The following TOX variants were observed in gnomAD, a reference collection of about 807,000 sequenced individuals.
The protein encoded by TOX is thymocyte selection associated high mobility group box.
TOX carries 11 observed loss-of-function variants against 53.7 expected under a neutral mutation model. That is an observed-to-expected ratio of 0.20 (90% CI 0.13 to 0.34). The LOEUF (loss-of-function observed/expected upper bound fraction) is 0.34, where lower values mean the gene tolerates loss of function less well. Among genes scored for constraint, TOX ranks in the 10% least tolerant of loss-of-function variants. The pLI, the probability that TOX is intolerant of heterozygous loss-of-function variation, is 1.00. For missense variants in TOX, 570 were observed against 664.6 expected (o/e 0.86, Z 1.56); for synonymous variants, 225 against 245.3 (o/e 0.92, Z 0.77).
intron 1 of TOX, among the ~76,000 whole-genome samples, chr8:59,091,320 G>A (rs1045015630): frequency 7.9e-5 from 12 of 152,104 alleles, no homozygotes; most frequent in Admixed American, 5.2e-4. Flanking sequence ...CTGTTGAGAT[G>A]ACACTCCCCA....
In TOX at chr8:59,118,757, G is replaced by A; in HGVS notation, c.102+129C>T. The A allele has an allele frequency of 2.0e-6, 1 of 491,830 alleles. No individual in the cohort carries two copies. 30.5% of individuals were successfully genotyped at this position (491,830 alleles called of 1,614,324 possible). A position where few individuals can be genotyped will look rare whatever the true frequency, so the allele number is the denominator to read the frequency against. On this transcript the variant is annotated intron_variant, in intron 1 of 8. Transcript: ENST00000361421. This position sits in a 1 kb window ranked among gnomAD's most constrained non-coding sequence, Gnocchi z 4.1. ...ACTACCCAAGCGCACGCAGGCTGCA[G>A]CGGGCTGCGAGCCGAGCGCGCCCGG...
At chr8:58,912,116 T>A (rs1190967502) in intron 3 of TOX, among the ~76,000 whole-genome samples, 1 of 152,260 alleles carries the variant, frequency 6.6e-6, no homozygotes, top group Non-Finnish European at 1.5e-5. Flanking sequence ...TTATTGTAAT[T>A]CCTCTGGTTA....
chr8:58,892,634 T>C (rs901457418), intron 3 of TOX, among the ~76,000 whole-genome samples: 8 of 152,162 alleles, frequency 5.3e-5, no homozygotes, highest in African/African-American at 1.9e-4. Context: ...GAGAGATATG[T>C]AAAATCACAC....
chr8:59,005,159 C>T (rs1341857346), intron 1 of TOX, among the ~76,000 whole-genome samples: 2 of 152,046 alleles, frequency 1.3e-5, no homozygotes, highest in African/African-American at 4.8e-5. Flanking sequence ...CTGCCTCAGC[C>T]TCCCAAGTAG....
At chr8:58,998,510 T>C (rs1261467159) in intron 1 of TOX, among the ~76,000 whole-genome samples, 1 of 73,406 alleles carries the variant, frequency 1.4e-5, no homozygotes, top group Non-Finnish European at 2.4e-5. Context: ...TATATATATA[T>C]ATATATATAT....
intron 1 of TOX, among the ~76,000 whole-genome samples, chr8:59,111,023 A>C (rs1317237510): frequency 6.6e-6 from 1 of 152,162 alleles, no homozygotes; most frequent in Non-Finnish European, 1.5e-5. Context: ...GTCTTCTTTG[A>C]TACAAATATA....
chr8:59,034,778 A>G (rs138505127), intron 1 of TOX, among the ~76,000 whole-genome samples: 77 of 152,320 alleles, frequency 5.1e-4, no homozygotes, highest in Middle Eastern at 3.4e-3. Context: ...AATAATTAGA[A>G]CAAATACCTA....
chr8:58,889,033 G>A (rs1811517904), intron 3 of TOX, among the ~76,000 whole-genome samples: 1 of 151,796 alleles, frequency 6.6e-6, no homozygotes, highest in African/African-American at 2.4e-5. Context: ...AGAGAAACAG[G>A]CATTCCCATA....
At chr8:59,084,783 A>T (rs1305055558) in intron 1 of TOX, among the ~76,000 whole-genome samples, 1 of 152,214 alleles carries the variant, frequency 6.6e-6, no homozygotes, top group Non-Finnish European at 1.5e-5. Flanking sequence ...AGTTATTAGT[A>T]GCTCTCTTAG....
chr8:58,891,124 GA>G (rs529261157), intron 3 of TOX, among the ~76,000 whole-genome samples: 109 of 152,234 alleles, frequency 7.2e-4, no homozygotes, highest in Non-Finnish European at 5.9e-5. Context: ...GGGTGATAAA[GA>G]GAGGAAAGAT....
At chr8:59,026,452 G>A (rs1252199123) in intron 1 of TOX, among the ~76,000 whole-genome samples, 3 of 152,192 alleles carry the variant, frequency 2.0e-5, no homozygotes, top group Admixed American at 6.5e-5. Context: ...GGATGAGATT[G>A]ATCACTTTTC....
intron 1 of TOX, among the ~76,000 whole-genome samples, chr8:59,083,748 C>A (rs1804456539): frequency 6.6e-6 from 1 of 152,070 alleles, no homozygotes; most frequent in African/African-American, 2.4e-5. Context: ...TTATTAATGA[C>A]CACGGGAGAG....
intron 3 of TOX, among the ~76,000 whole-genome samples, chr8:58,897,440 C>T (rs1035824924): frequency 2.0e-5 from 3 of 152,248 alleles, no homozygotes; most frequent in South Asian, 2.1e-4. Flanking sequence ...ATCCATGTAT[C>T]ACAAGTTCAT....
intron 3 of TOX, among the ~76,000 whole-genome samples, chr8:58,864,650 A>C (rs562710751): frequency 6.6e-6 from 1 of 152,266 alleles, no homozygotes; most frequent in Admixed American, 6.5e-5. Context: ...TTTCCATCAA[A>C]ACCTTTCTTT....
chr8:58,980,400 G>T (rs1813181081), intron 1 of TOX, among the ~76,000 whole-genome samples: 1 of 151,456 alleles, frequency 6.6e-6, no homozygotes, highest in African/African-American at 2.4e-5. Flanking sequence ...ATACTGGAAG[G>T]TGTACTCTGA....
At chr8:59,055,597 T>A (rs1038079902) in intron 1 of TOX, among the ~76,000 whole-genome samples, 4 of 152,090 alleles carry the variant, frequency 2.6e-5, no homozygotes, top group Non-Finnish European at 4.4e-5. Context: ...ATTTAACACA[T>A]AATAAAGGTG....
At chr8:59,107,857 G>GA (rs1694027105) in intron 1 of TOX, among the ~76,000 whole-genome samples, 1 of 152,162 alleles carries the variant, frequency 6.6e-6, no homozygotes, top group South Asian at 2.1e-4. Context: ...GATGAGCCAT[G>GA]AAAAATAGAT....
At chr8:59,093,614 A>G (rs1413781746) in intron 1 of TOX, among the ~76,000 whole-genome samples, 3 of 152,198 alleles carry the variant, frequency 2.0e-5, no homozygotes, top group African/African-American at 4.8e-5. Flanking sequence ...TAGAAAATGT[A>G]CCTGAAGTCC....
intron 5 of TOX, among the ~76,000 whole-genome samples, chr8:58,833,699 T>C (rs1029456447): frequency 1.3e-5 from 2 of 152,244 alleles, no homozygotes; most frequent in Admixed American, 6.5e-5. Flanking sequence ...CAACTTAGTA[T>C]GCTTCTGAAA....
Sources: gnomAD v4.1 joint callset for allele counts (sites outside exome capture counted in the v4.1 genomes callset) on GRCh38, gnomAD v4.1.1 for gene constraint, Gnocchi (gnomAD v3.1) non-coding constraint, MANE v1.5 for transcripts, NCBI Gene and HGNC (gene_info 2026-07-23, HGNC 2026-07-21) for gene names.